Variants in THRA observed in about 807,000 individuals in gnomAD.
The protein encoded by THRA is EAR-7.
A neutral mutation model predicts 45.0 loss-of-function variants in THRA; 13 were observed. That is an observed-to-expected ratio of 0.29 (90% CI 0.19 to 0.46). The LOEUF is 0.46. Ranked by LOEUF, THRA falls within the 20% of genes least tolerant of loss-of-function variation. THRA has a pLI of 1.00. For synonymous variants in THRA, 195 were observed against 214.0 expected (o/e 0.91, Z 0.78); for missense variants, 278 against 556.1 (o/e 0.50, Z 5.03).
downstream of THRA, chr17:40,093,484 C>G: frequency 6.8e-7 from 1 of 1,469,864 alleles, no homozygotes; most frequent in Non-Finnish European, 9.0e-7. This position sits in a 1 kb window ranked among gnomAD's most constrained non-coding sequence, Gnocchi z 5.9. Context: ...AGCGTGGGCT[C>G]AGCAGGGCTG....
chr17:40,084,024 G>A, intron 5 of THRA, 42 bp downstream of exon 5: 1 of 1,567,802 alleles, frequency 6.4e-7, no homozygotes, highest in Non-Finnish European at 8.7e-7. Context: ...GGTGGCCTGG[G>A]GTGGGGATGA....
chr17:40,087,123 GCA>G (rs1399044195), intron 7 of THRA: 5 of 404,460 alleles, frequency 1.2e-5, no homozygotes, highest in Non-Finnish European at 2.2e-5. Flanking sequence ...CATACACCCA[GCA>G]CACAGACACA....
chr17:40,071,555 G>C (rs756676409), intron 1 of THRA, among the ~76,000 whole-genome samples: 2 of 152,238 alleles, frequency 1.3e-5, no homozygotes, highest in Non-Finnish European at 2.9e-5. Context: ...CGACAGGTGG[G>C]TCTTGCTGTC....
At chr17:40,069,858 G>T (rs1050753202) in intron 1 of THRA, among the ~76,000 whole-genome samples, 3 of 152,056 alleles carry the variant, frequency 2.0e-5, no homozygotes, top group Non-Finnish European at 4.4e-5. Flanking sequence ...GAGCTGGCCC[G>T]GGCAGGAGGA....
chr17:40,074,746 G>A (rs1986891814), intron 2 of THRA, among the ~76,000 whole-genome samples: 1 of 152,194 alleles, frequency 6.6e-6, no homozygotes, highest in Non-Finnish European at 1.5e-5. Context: ...TTTGAAGCGG[G>A]GAGCGATACA....
chr17:40,073,890 G>C (rs1986861893), intron 1 of THRA, among the ~76,000 whole-genome samples: 1 of 152,032 alleles, frequency 6.6e-6, no homozygotes, highest in Non-Finnish European at 1.5e-5. Flanking sequence ...TTTAATAGTT[G>C]CTCATTAAGG....
chr17:40,073,410 A>G (rs533030612), intron 1 of THRA, among the ~76,000 whole-genome samples: 1 of 152,296 alleles, frequency 6.6e-6, no homozygotes, highest in East Asian at 1.9e-4. Flanking sequence ...TGAGTGAATG[A>G]CCAAGCTTTC....
intron 4 of THRA, among the ~76,000 whole-genome samples, chr17:40,078,869 C>T (rs1987043283): frequency 6.6e-6 from 1 of 151,504 alleles, no homozygotes; most frequent in Non-Finnish European, 1.5e-5. Flanking sequence ...GTGGCTGGGA[C>T]TACAGGCACC....
chr17:40,089,989 T>C lies in THRA; in HGVS notation c.*533T>C, dbSNP rs987004528. 3.0e-6 allele frequency: 3 copies of C among 988,222 alleles called. No individual in the cohort carries two copies. Among genetic ancestry groups the C allele is most frequent in the Admixed American group, 6.0e-5 (1 of 16,538 alleles). 61.2% of individuals were successfully genotyped at this position (988,222 alleles called of 1,614,324 possible). ...ATTTATAGTCATTCTAACTGCACTT[T>C]GGAAACCAAGCAAGGGGAGAAGACA... On this transcript the variant is annotated 3_prime_UTR_variant, in exon 9 of 9. Coordinates refer to ENST00000450525, the MANE Select transcript of THRA (RefSeq NM_199334.5). The surrounding 1 kb of genome is among the most constrained non-coding windows in gnomAD (Gnocchi z 6.1).
At chr17:40,081,096 A>C (rs1429104992) in intron 4 of THRA, among the ~76,000 whole-genome samples, 2 of 151,564 alleles carry the variant, frequency 1.3e-5, no homozygotes, top group African/African-American at 4.9e-5. Context: ...CCCAGTTCTG[A>C]CTCTGCTGCC....
chr17:40,078,697 C>A (rs753594428), intron 4 of THRA, among the ~76,000 whole-genome samples: 17 of 146,848 alleles, frequency 1.2e-4, no homozygotes, highest in Non-Finnish European at 2.5e-4. Context: ...ACCTGTCCTA[C>A]TAGTTAAAAT....
chr17:40,092,802 A>T lies in THRA; in HGVS notation c.*3346A>T. On this transcript the variant is annotated 3_prime_UTR_variant, in exon 9 of 9. Transcript: ENST00000450525. ...CACCACAGAAGCCAGCTCAGCTGTG[A>T]ACTATTGGATTTGAGACAGGAACAG... is the stretch of plus-strand genomic sequence containing the variant. The T allele has an allele frequency of 1.8e-6, 1 of 564,130 alleles. No homozygotes were observed. Among genetic ancestry groups the T allele is most frequent in the Non-Finnish European group, 2.8e-6 (1 of 354,046 alleles). The allele number at this position is 564,130 out of a possible 1,614,324, so 34.9% of individuals were successfully genotyped here. A position where few individuals can be genotyped will look rare whatever the true frequency, so the allele number is the denominator to read the frequency against.
intron 1 of THRA, among the ~76,000 whole-genome samples, chr17:40,065,789 C>T (rs1321357540): frequency 6.6e-6 from 1 of 151,944 alleles, no homozygotes; most frequent in Non-Finnish European, 1.5e-5. Context: ...GGGGGTCAGC[C>T]ACTGCCCATG....
downstream of THRA, chr17:40,093,414 G>T (rs1228160421): frequency 1.9e-6 from 3 of 1,595,508 alleles, no homozygotes; most frequent in Non-Finnish European, 1.7e-6. This position sits in a 1 kb window ranked among gnomAD's most constrained non-coding sequence, Gnocchi z 5.9. Context: ...GGAAGGAGAA[G>T]GAGTGCCATA....
Position 40,074,455 on chromosome 17 carries a change from G to T in THRA, c.-34G>T. ...AGTGTGCCCACCCCAGTCTCTTGGC[G>T]TGCTGGAGGGCATCCTGGATGGAAT... On this transcript the variant is annotated 5_prime_UTR_variant, in exon 2 of 9. Coordinates refer to ENST00000450525, the MANE Select transcript of THRA (RefSeq NM_199334.5). 1.2e-6 allele frequency: 2 copies of T among 1,613,566 alleles called. No homozygotes were observed. Among genetic ancestry groups the T allele is most frequent in the Non-Finnish European group, 8.5e-7 (1 of 1,179,608 alleles).
intron 6 of THRA, among the ~76,000 whole-genome samples, chr17:40,086,071 C>T (rs982249851): frequency 4.6e-5 from 7 of 152,164 alleles, no homozygotes; most frequent in African/African-American, 1.2e-4. Flanking sequence ...ATGATTACAC[C>T]GCTGCACTCC....
chr17:40,081,858 G>C (rs1217546911), intron 4 of THRA, among the ~76,000 whole-genome samples: 1 of 151,972 alleles, frequency 6.6e-6, no homozygotes, highest in Non-Finnish European at 1.5e-5. Context: ...AGCTACTCGG[G>C]AGGCTGAGGC....
intron 1 of THRA, among the ~76,000 whole-genome samples, chr17:40,068,646 T>G (rs1333194409): frequency 2.0e-5 from 3 of 152,066 alleles, no homozygotes; most frequent in Non-Finnish European, 2.9e-5. Flanking sequence ...GTTTTGGGGG[T>G]GGGCATTAAA....
intron 1 of THRA, among the ~76,000 whole-genome samples, chr17:40,069,301 C>G (rs942155363): frequency 1.3e-5 from 2 of 150,202 alleles, no homozygotes; most frequent in African/African-American, 4.9e-5. Context: ...GTCTCTGTCT[C>G]TCTCTCTCTG....
Sources: gnomAD v4.1 joint callset for allele counts (sites outside exome capture counted in the v4.1 genomes callset) on GRCh38, gnomAD v4.1.1 for gene constraint, Gnocchi (gnomAD v3.1) non-coding constraint, MANE v1.5 for transcripts, NCBI Gene and HGNC (gene_info 2026-07-23, HGNC 2026-07-21) for gene names.